SNX24: variants seen among roughly 807,000 people sequenced by gnomAD.
SNX24 encodes the protein sorting nexin-24.
SNX24 carries 22 observed loss-of-function variants against 28.7 expected under a neutral mutation model. The ratio of observed to expected loss-of-function variants is 0.77; its 90% confidence interval spans 0.55 to 1.10. The LOEUF is 1.10. Among genes scored for constraint, SNX24 ranks in the 50% least tolerant of loss-of-function variants. SNX24 has a pLI of 0.00. For synonymous variants in SNX24, 69 were observed against 71.5 expected (o/e 0.96, Z 0.18); for missense variants, 221 against 201.1 (o/e 1.10, Z -0.60).
At chr5:122,891,283 G>A (rs918019460) in intron 1 of SNX24, among the ~76,000 whole-genome samples, 1 of 151,948 alleles carries the variant, frequency 6.6e-6, no homozygotes, top group Non-Finnish European at 1.5e-5. Flanking sequence ...ATACCGATTG[G>A]CAGGTAATTT....
chr5:123,001,666 A>G (rs532464588), intron 5 of SNX24, among the ~76,000 whole-genome samples: 1 of 152,340 alleles, frequency 6.6e-6, no homozygotes, highest in Admixed American at 6.5e-5. Context: ...TTTATCAACA[A>G]TCGTATTACA....
At chr5:122,967,416 A>T (rs1760756507) in intron 3 of SNX24, among the ~76,000 whole-genome samples, 1 of 152,142 alleles carries the variant, frequency 6.6e-6, no homozygotes, top group Non-Finnish European at 1.5e-5. Flanking sequence ...CTGGTGTTCA[A>T]GGGAGCCGAT....
At chr5:123,027,487 G>T (rs1479746821) in intron 5 of SNX24, among the ~76,000 whole-genome samples, 1 of 152,182 alleles carries the variant, frequency 6.6e-6, no homozygotes, top group East Asian at 1.9e-4. Flanking sequence ...CCAGCACCGA[G>T]GGCACGGGCA....
At chr5:122,937,807 G>A (rs987762039) in intron 2 of SNX24, among the ~76,000 whole-genome samples, 9 of 152,206 alleles carry the variant, frequency 5.9e-5, no homozygotes, top group Non-Finnish European at 1.0e-4. Context: ...GATGTTGCCA[G>A]TGACTTTACA....
chr5:123,025,919 C>T, intron 5 of SNX24: 2 of 1,611,780 alleles, frequency 1.2e-6, no homozygotes, highest in Non-Finnish European at 1.7e-6. Context: ...TGCCATAGTG[C>T]TTCAGCTTGA....
chr5:123,003,883 G>T (rs1762331131), intron 6 of SNX24, among the ~76,000 whole-genome samples: 1 of 152,196 alleles, frequency 6.6e-6, no homozygotes, highest in East Asian at 1.9e-4. Context: ...TGGGAGGTAT[G>T]GAAGGACCAG....
intron 1 of SNX24, among the ~76,000 whole-genome samples, chr5:122,857,863 A>G (rs776923767): frequency 6.6e-6 from 1 of 151,638 alleles, no homozygotes; most frequent in African/African-American, 2.4e-5. Flanking sequence ...GCTCACTGCA[A>G]CCTCCGCCTC....
intron 5 of SNX24, among the ~76,000 whole-genome samples, chr5:123,028,035 T>C (rs962973121): frequency 3.3e-5 from 5 of 152,202 alleles, no homozygotes; most frequent in African/African-American, 9.7e-5. Flanking sequence ...AACTCAGCTA[T>C]TGCTTTAACT....
intron 3 of SNX24, among the ~76,000 whole-genome samples, chr5:122,969,123 T>C (rs773736736): frequency 2.0e-5 from 3 of 152,198 alleles, no homozygotes; most frequent in Non-Finnish European, 2.9e-5. Context: ...ACCTTTTTAT[T>C]TAAAGATATT....
At chr5:122,892,099 A>G (rs1756997498) in intron 1 of SNX24, among the ~76,000 whole-genome samples, 1 of 152,216 alleles carries the variant, frequency 6.6e-6, no homozygotes, top group Admixed American at 6.5e-5. Context: ...TATTGAAAGC[A>G]CAGTATAAGG....
chr5:122,961,363 G>A (rs1020849977), intron 3 of SNX24, among the ~76,000 whole-genome samples: 2 of 152,172 alleles, frequency 1.3e-5, no homozygotes, highest in African/African-American at 4.8e-5. Flanking sequence ...TTGGGAGGGG[G>A]TGAGGGTTGA....
chr5:122,927,991 T>A (rs1322769794), intron 1 of SNX24, among the ~76,000 whole-genome samples: 1 of 152,156 alleles, frequency 6.6e-6, no homozygotes, highest in Non-Finnish European at 1.5e-5. Flanking sequence ...ACCATTGCAT[T>A]TCATTCTCTC....
chr5:123,008,590 C>T lies in SNX24; in HGVS notation c.*841C>T, dbSNP rs994300536. The T allele has an allele frequency of 2.7e-5, 4 of 147,918 alleles. No homozygotes were observed. The highest frequency in any genetic ancestry group is 4.4e-5 in the Non-Finnish European group (3 of 68,522). 9.2% of individuals were successfully genotyped at this position (147,918 alleles called of 1,614,324 possible). On this transcript the variant is annotated 3_prime_UTR_variant, in exon 7 of 7. Transcript: ENST00000261369. ...AAAAAAAAAAGCACATAACTTTTAA[C>T]ACTAGAATCAGCCCGCAAGATGCTT...
intron 3 of SNX24, among the ~76,000 whole-genome samples, chr5:122,979,425 G>A (rs13157689): frequency 0.027 from 4,053 of 152,238 alleles, 70 homozygotes; most frequent in Non-Finnish European, 0.037. Flanking sequence ...ATTGTGAAAA[G>A]GGGTGTAGAT....
chr5:123,024,066 TA>T lies in SNX24; in HGVS notation n.384-5169del, dbSNP rs199980481. The T allele has an allele frequency of 1.6e-3, 2,466 of 1,540,116 alleles. 40 individuals are homozygous for T. In the African/African-American group the frequency reaches 0.03, roughly 19 times the overall value. On this transcript the variant is annotated intron_variant and non_coding_transcript_variant, in intron 5 of 5. Coordinates refer to the SNX24 transcript ENST00000502387. ...CCAGCAGCTATAGCAATCCAAAGGT[TA>T]AACCAAAGCCAACTCCAAAAGCCCA...
At chr5:122,874,777 T>C (rs915879099) in intron 1 of SNX24, among the ~76,000 whole-genome samples, 1 of 152,206 alleles carries the variant, frequency 6.6e-6, no homozygotes, top group African/African-American at 2.4e-5. Context: ...CCCCTGGCCC[T>C]ACCACGGGCT....
intron 1 of SNX24, among the ~76,000 whole-genome samples, chr5:122,932,208 G>T (rs565648817): frequency 1.3e-5 from 2 of 152,296 alleles, no homozygotes; most frequent in South Asian, 4.1e-4. Context: ...TGAACAGAAT[G>T]ATTTTTGTTT....
intron 3 of SNX24, among the ~76,000 whole-genome samples, chr5:122,968,461 C>CT (rs1760810281): frequency 6.6e-6 from 1 of 152,154 alleles, no homozygotes; most frequent in Non-Finnish European, 1.5e-5. Context: ...AACATTTTCC[C>CT]ATTGTTCTGT....
intron 1 of SNX24, among the ~76,000 whole-genome samples, chr5:122,898,106 T>C (rs1317741678): frequency 6.6e-6 from 1 of 152,200 alleles, no homozygotes; most frequent in Non-Finnish European, 1.5e-5. Flanking sequence ...TTGTGATCTG[T>C]TGTCTGAAAT....
Sources: allele counts gnomAD v4.1 joint callset (sites outside exome capture counted in the v4.1 genomes callset), GRCh38; gene constraint gnomAD v4.1.1; transcripts MANE v1.5; gene names NCBI Gene and HGNC (gene_info 2026-07-23, HGNC 2026-07-21).